SENP7: variants seen among roughly 807,000 people sequenced by gnomAD.
The protein encoded by SENP7 is SUMO specific peptidase 7.
Under a neutral mutation model 141.2 loss-of-function variants are expected in SENP7, and 64 were observed. That is an observed-to-expected ratio of 0.45 (90% CI 0.37 to 0.56). The LOEUF (loss-of-function observed/expected upper bound fraction) is 0.56. SENP7 is among the 20% of genes least tolerant of loss of function. The pLI is 0.00. For synonymous variants in SENP7, 382 were observed against 426.4 expected, an observed-to-expected ratio of 0.90 and a Z score of 1.28; for missense variants, 1,025 against 1,212.2, an observed-to-expected ratio of 0.85 and a Z score of 2.29.
chr3:101,404,954 C>T (rs985155306), intron 5 of SENP7, among the ~76,000 whole-genome samples: 6 of 152,194 alleles, frequency 3.9e-5, no homozygotes, highest in Admixed American at 2.6e-4. Context: ...CTGGCACAGG[C>T]GTTCTCTCAC....
chr3:101,342,248 T>C lies in SENP7; in HGVS notation c.2107-469A>G, dbSNP rs553931550. ...ACTAATGTGGCTTTCTATAGGCCTTTTGAATAAAAGATTAGCCTCTGGCCA... is the reference window on the plus strand; with the variant it reads ...ACTAATGTGGCTTTCTATAGGCCTTCTGAATAAAAGATTAGCCTCTGGCCA... On this transcript the variant is annotated intron_variant, in intron 14 of 23. Coordinates refer to ENST00000394095, the MANE Select transcript of SENP7 (RefSeq NM_020654.5). Among the ~76,000 whole-genome samples the C allele has an allele frequency of 3.3e-5, 5 of 152,318 alleles. No homozygotes were observed. The East Asian group carries it at 9.6e-4, about 29-fold the overall frequency.
At chr3:101,357,764 A>G in intron 11 of SENP7, 1 of 630,048 alleles carries the variant, frequency 1.6e-6, no homozygotes, top group South Asian at 1.6e-5. Flanking sequence ...AAACTTTTAA[A>G]TGTAAAGAAT....
chr3:101,431,652 C>T (rs750937657), intron 4 of SENP7, among the ~76,000 whole-genome samples: 5 of 151,132 alleles, frequency 3.3e-5, no homozygotes, highest in Admixed American at 1.3e-4. Context: ...GGTGTGGTGG[C>T]GTGGGTCTGT....
chr3:101,485,842 A>G (rs544414021), intron 3 of SENP7, among the ~76,000 whole-genome samples: 24 of 152,320 alleles, frequency 1.6e-4, no homozygotes, highest in African/African-American at 5.8e-4. Flanking sequence ...GTGAAGTCCA[A>G]TGCAAGGAAA....
At chr3:101,386,321 C>T (rs1422422105) in intron 6 of SENP7, among the ~76,000 whole-genome samples, 5 of 152,204 alleles carry the variant, frequency 3.3e-5, no homozygotes, top group Non-Finnish European at 1.5e-5. Context: ...CCATGTTCCA[C>T]TGAAGACTCT....
chr3:101,383,825 C>A (rs866193529), intron 6 of SENP7, among the ~76,000 whole-genome samples: 2 of 152,194 alleles, frequency 1.3e-5, no homozygotes, highest in Admixed American at 6.5e-5. Context: ...CAGTGGGAGG[C>A]AGACCAGTTC....
chr3:101,501,928 C>CCA, intron 1 of SENP7, among the ~76,000 whole-genome samples: 1 of 152,252 alleles, frequency 6.6e-6, no homozygotes, highest in South Asian at 2.1e-4. Flanking sequence ...AATCTGATAA[C>CCA]CAAATGGGGG....
intron 17 of SENP7, chr3:101,333,152 T>C (rs2059098728): frequency 3.0e-6 from 1 of 332,870 alleles, no homozygotes; most frequent in South Asian, 9.8e-5. Context: ...CAGTTAAATC[T>C]ACTTATTTTG....
chr3:101,414,184 T>C (rs924121600), intron 5 of SENP7: 5 of 560,354 alleles, frequency 8.9e-6, no homozygotes, highest in African/African-American at 3.8e-5. Flanking sequence ...AAAATAACTA[T>C]ATATGGCCGC....
chr3:101,459,746 A>G (rs2063489542), intron 3 of SENP7, among the ~76,000 whole-genome samples: 1 of 152,200 alleles, frequency 6.6e-6, no homozygotes, highest in African/African-American at 2.4e-5. Context: ...TATTTGTACA[A>G]TCATGTTTGT....
At chr3:101,357,544 A>G in intron 11 of SENP7, 2 of 1,411,346 alleles carry the variant, frequency 1.4e-6, no homozygotes, top group Non-Finnish European at 1.9e-6. Context: ...AAAAAGTGAT[A>G]CTGAGAAGAT....
intron 5 of SENP7, chr3:101,414,261 G>T: frequency 1.7e-6 from 1 of 577,028 alleles, no homozygotes; most frequent in South Asian, 1.9e-5. Context: ...TGGTAGAATC[G>T]ATGGTGAAGA....
intron 4 of SENP7, among the ~76,000 whole-genome samples, chr3:101,440,786 C>A (rs1300696308): frequency 6.6e-6 from 1 of 151,992 alleles, no homozygotes; most frequent in Non-Finnish European, 1.5e-5. Context: ...CTGAATCCAG[C>A]AACGTATTAA....
chr3:101,335,094 T>C (rs1559682034), intron 17 of SENP7, among the ~76,000 whole-genome samples: 1 of 152,142 alleles, frequency 6.6e-6, no homozygotes, highest in South Asian at 2.1e-4. Flanking sequence ...ACGAATAAAA[T>C]GATTACAGAT....
chr3:101,357,557 G>A (rs1180565463), intron 11 of SENP7: 68 of 1,312,814 alleles, frequency 5.2e-5, no homozygotes, highest in Non-Finnish European at 1.2e-5. Flanking sequence ...GAGAAGATAT[G>A]AAAAATGTGG....
intron 3 of SENP7, among the ~76,000 whole-genome samples, chr3:101,465,950 T>C (rs1026443531): frequency 3.3e-5 from 5 of 152,130 alleles, no homozygotes; most frequent in Non-Finnish European, 5.9e-5. Flanking sequence ...ATTGATATCA[T>C]TTAAAACGTC....
At chr3:101,442,991 T>G (rs543691406) in intron 4 of SENP7, among the ~76,000 whole-genome samples, 8 of 152,348 alleles carry the variant, frequency 5.3e-5, no homozygotes, top group African/African-American at 7.2e-5. Context: ...TGGTTGCCAT[T>G]GCTTTTGGTG....
At chr3:101,434,802 C>T (rs777436099) in intron 4 of SENP7, among the ~76,000 whole-genome samples, 2 of 151,918 alleles carry the variant, frequency 1.3e-5, no homozygotes, top group African/African-American at 2.4e-5. Context: ...AAGGAAAGCC[C>T]GGGACCCAAT....
rs571636312 is a variant in SENP7 at position 101,405,217 on chromosome 3, T to C, written c.483-6162A>G. On this transcript the variant is annotated intron_variant, in intron 5 of 23. Coordinates refer to ENST00000394095, the MANE Select transcript of SENP7 (RefSeq NM_020654.5). Reference sequence around the variant, plus strand: ...GGACACCCCAAATACTATGCTGGTATCCATGGCTGAGAGACCCATAGATGG... The same window carrying C: ...GGACACCCCAAATACTATGCTGGTACCCATGGCTGAGAGACCCATAGATGG... Among the ~76,000 whole-genome samples the C allele has an allele frequency of 9.9e-5, 15 of 152,274 alleles. No individual in the cohort carries two copies. In the East Asian group the frequency reaches 2.9e-3, roughly 29 times the overall value.
Sources: allele counts gnomAD v4.1 joint callset (sites outside exome capture counted in the v4.1 genomes callset), GRCh38; gene constraint gnomAD v4.1.1; transcripts MANE v1.5; gene names NCBI Gene and HGNC (gene_info 2026-07-23, HGNC 2026-07-21).